Variants in MYO15A observed in about 807,000 individuals in gnomAD.
MYO15A encodes unconventional myosin-XV.
Under a neutral mutation model 394.6 loss-of-function variants are expected in MYO15A, and 308 were observed. The observed-to-expected ratio is 0.78, with a 90% CI of 0.71 to 0.86. The LOEUF is 0.86. MYO15A is among the 40% of genes least tolerant of loss of function. The pLI is 0.00. For synonymous variants in MYO15A, 1,957 were observed against 2,003.8 expected (o/e 0.98, Z 0.62); for missense variants, 4,606 against 4,799.1 (o/e 0.96, Z 1.19).
intron 62 of MYO15A, among the ~76,000 whole-genome samples, chr17:18,170,780 G>A (rs1271556415): frequency 6.6e-6 from 1 of 152,034 alleles, no homozygotes; most frequent in African/African-American, 2.4e-5. Flanking sequence ...TTTTTGCAAG[G>A]GACTCTGCAT....
chr17:18,160,786 T>G, intron 56 of MYO15A: 1 of 242,742 alleles, frequency 4.1e-6, no homozygotes, highest in South Asian at 5.4e-5. Context: ...TGAAGATGAA[T>G]TACTGTGTTC....
chr17:18,124,667 C>A, intron 3 of MYO15A, 102 bp downstream of exon 3: 1 of 1,089,870 alleles, frequency 9.2e-7, no homozygotes, highest in Non-Finnish European at 1.3e-6. Context: ...CCTCCCAGGA[C>A]ATTTTCAGAG....
chr17:18,157,320 C>T, intron 50 of MYO15A, 90 bp downstream of exon 50: 1 of 1,522,254 alleles, frequency 6.6e-7, no homozygotes, highest in African/African-American at 1.4e-5. Context: ...TTTCTTGGTG[C>T]CCGAAAGTGG....
rs772345983 is a variant in MYO15A at position 18,148,488 on chromosome 17, C to T, written c.6692-8C>T. 92 of 1,551,832 alleles carry T rather than the reference C, an allele frequency of 5.9e-5. No homozygotes were observed. Among genetic ancestry groups the T allele is most frequent in the Middle Eastern group, 5.0e-4 (3 of 5,984 alleles). Reference sequence around the variant, plus strand: ...TCCAACCTGAGCCCGGCACCTGCTGCGCCCCAGGTGACCAGTTCTCCTGCC... The same window carrying T: ...TCCAACCTGAGCCCGGCACCTGCTGTGCCCCAGGTGACCAGTTCTCCTGCC... On this transcript the variant is annotated splice_polypyrimidine_tract_variant and splice_region_variant and intron_variant, in intron 31 of 65. Coordinates refer to ENST00000647165, the MANE Select transcript of MYO15A (RefSeq NM_016239.4). The surrounding 1 kb of genome is among the most constrained non-coding windows in gnomAD (Gnocchi z 4.8).
intron 16 of MYO15A, 162 bp from the exon 17 acceptor site, chr17:18,137,953 A>C (rs911753318): frequency 1.9e-6 from 2 of 1,031,942 alleles, no homozygotes; most frequent in Non-Finnish European, 1.4e-6. Context: ...CAGGACCCTG[A>C]GTTGGCTCAT....
Position 18,136,587 on chromosome 17 carries a change from T to C in MYO15A, c.4680T>C (p.Tyr1560=), listed in dbSNP as rs2046278805. 1 of 1,614,058 alleles carries C rather than the reference T, an allele frequency of 6.2e-7. No individual in the cohort carries two copies. Among genetic ancestry groups the C allele is most frequent in the South Asian group, 1.1e-5 (1 of 91,086 alleles). Residue 1560 remains tyrosine (Y), a synonymous_variant, in exon 15 of 66, where the codon TAT becomes TAC. Transcript: ENST00000647165. ...GGGACGCCATCGCCAAGGTCTTGTA[T>C]GCACTGCTGTTCAGCTGGCTCATCA... The part of the protein sequence containing the change: ...DARDAIAKVL[Y]ALLFSWLITR...
Position 18,150,462 on chromosome 17 carries a change from A to C in MYO15A, c.7246A>C (p.Met2416Leu). Reference sequence around the variant, plus strand: ...GAAGCCAACAGCCATTGCCTACCGCATGAAAGGGGGAGGCCAGCCCGGTGG... The same window carrying C: ...GAAGCCAACAGCCATTGCCTACCGCCTGAAAGGGGGAGGCCAGCCCGGTGG... ...LEKPTAIAYRMKGGGQPGGGS... is the reference protein window; with the variant it reads ...LEKPTAIAYRLKGGGQPGGGS... The change falls in exon 36 of 66, where the codon ATG (methionine) becomes CTG (leucine). Residue 2416 changes from methionine (M) to leucine (L), a missense_variant. Physicochemically the swap from Met to Leu is conservative, Grantham distance 15. Coordinates refer to ENST00000647165, the MANE Select transcript of MYO15A (RefSeq NM_016239.4). The surrounding 1 kb of genome is among the most constrained non-coding windows in gnomAD (Gnocchi z 4.4). 1 of 1,614,100 alleles carries C rather than the reference A, an allele frequency of 6.2e-7. No homozygotes were observed.
Position 18,149,595 on chromosome 17 carries a change from G to C in MYO15A, c.7212+15G>C, listed in dbSNP as rs764261706. The C allele has an allele frequency of 6.2e-7, 1 of 1,613,032 alleles. No homozygotes were observed. The highest frequency in any genetic ancestry group is 1.1e-5 in the South Asian group (1 of 91,060). On this transcript the variant is annotated intron_variant, in intron 35 of 65. Transcript: ENST00000647165. ...ACGGGGATGCGGTAGGGATGGTGTG[G>C]GGTGGGTCATTTGCAGACAGCAGGC...
At chr17:18,152,251 G>A in intron 42 of MYO15A, 67 bp downstream of exon 42, 1 of 1,456,298 alleles carries the variant, frequency 6.9e-7, no homozygotes, top group Non-Finnish European at 9.3e-7. Flanking sequence ...GGGCACAGGT[G>A]AGTGTGTCGG....
chr17:18,178,153 T>C (rs991403493), intron 65 of MYO15A: 2 of 160,008 alleles, frequency 1.2e-5, no homozygotes, highest in African/African-American at 4.8e-5. Context: ...GGGCAGATCA[T>C]GAGGTCAAGA....
Position 18,116,603 on chromosome 17 carries a change from AGTT to A in MYO15A, c.-219-1974_-219-1972del, listed in dbSNP as rs1304050969. ...AACTGGCTCCAAGAGGAGCTGGGGC[AGTT>A]GTTGATATCTCCAGGCTCAGAAAGA... On this transcript the variant is annotated intron_variant, in intron 1 of 65. Transcript: ENST00000647165. Among the ~76,000 whole-genome samples, 147 of 152,216 alleles carry A rather than the reference AGTT, an allele frequency of 9.7e-4. 1 individual carries two copies. The highest frequency in any genetic ancestry group is 3.2e-3 in the African/African-American group (135 of 41,544).
chr17:18,179,225 T>C lies in MYO15A; in HGVS notation c.*355T>C. ...AGAAGCCCCACACCAGTTGCCCAGA[T>C]GAACTGGCCTCTGCCTTTGGTTTAC... On this transcript the variant is annotated 3_prime_UTR_variant, in exon 66 of 66. Transcript: ENST00000647165. 1 of 398,836 alleles carries C rather than the reference T, an allele frequency of 2.5e-6. No individual in the cohort carries two copies. Among genetic ancestry groups the C allele is most frequent in the Non-Finnish European group, 4.8e-6 (1 of 210,316 alleles). 24.7% of individuals were successfully genotyped at this position (398,836 alleles called of 1,614,324 possible).
At chr17:18,165,322 G>A (rs1179484054) in intron 60 of MYO15A, among the ~76,000 whole-genome samples, 1 of 152,150 alleles carries the variant, frequency 6.6e-6, no homozygotes, top group Non-Finnish European at 1.5e-5. Flanking sequence ...GTTCTAAAAT[G>A]AAAATGGCAT....
chr17:18,119,110 C>A lies in MYO15A; in HGVS notation c.310C>A (p.Pro104Thr). 1.2e-6 allele frequency: 2 copies of A among 1,611,976 alleles called. No individual in the cohort carries two copies. The highest frequency in any genetic ancestry group is 1.7e-6 in the Non-Finnish European group (2 of 1,179,630). ...GAAGCGGGCGATGAAGGGCAAGAAG[C>A]CGTCCTTCATGGTGATCCGCTTCCC... ...KKKRAMKGKK[P>T]SFMVIRFPGR... The change falls in exon 2 of 66, where the codon CCG becomes ACG. Residue 104 changes from proline (P) to threonine (T), a missense_variant. Physicochemically the swap from Pro to Thr is conservative, Grantham distance 38 (BLOSUM62 -1). Transcript: ENST00000647165.
chr17:18,159,523 G>A (rs1597812196), intron 54 of MYO15A, 83 bp from the exon 55 acceptor site: 19 of 1,530,962 alleles, frequency 1.2e-5, no homozygotes, highest in Non-Finnish European at 1.4e-5. Context: ...GGCTCCCAGG[G>A]AGGGGCTCAG....
rs199734245 is a variant in MYO15A at position 18,142,206 on chromosome 17, G to A, written c.5777G>A (p.Arg1926His). ...ATTAAGCGGCGATTCCGCTCTCTGC[G>A]CCACAAGATCATCCTGCTGCAAAGC... ...FFIKRRFRSL[R>H]HKIILLQSRA... Residue 1926 changes from arginine (R) to histidine (H), a missense_variant, in exon 24 of 66, where the codon CGC becomes CAC. Arg to His is a conservative substitution (Grantham distance 29). Coordinates refer to ENST00000647165, the MANE Select transcript of MYO15A (RefSeq NM_016239.4). The A allele has an allele frequency of 6.8e-5, 109 of 1,613,544 alleles. No homozygotes were observed. Among genetic ancestry groups the A allele is most frequent in the African/African-American group, 2.1e-4 (16 of 75,036 alleles).
At position 18,166,518 on chromosome 17, in the gene MYO15A, C is replaced by T. The variant is rs2046857582; in HGVS notation, c.9945C>T (p.Asn3315=). ...AGCTATATGTGACCATGCACTACAA[C>T]CAGGTCAGCACACGTAGGCTTCTCT... ...ENELYVTMHY[N]QVLPDYLKGL... The change falls in exon 61 of 66, where the codon AAC becomes AAT. Residue 3315 remains asparagine (N), a synonymous_variant. Coordinates refer to ENST00000647165, the MANE Select transcript of MYO15A (RefSeq NM_016239.4). 6.2e-7 allele frequency: 1 copy of T among 1,612,982 alleles called. No individual in the cohort carries two copies. The highest frequency in any genetic ancestry group is 8.5e-7 in the Non-Finnish European group (1 of 1,180,020).
At position 18,119,580 on chromosome 17, in the gene MYO15A, C is replaced by T; in HGVS notation, c.780C>T (p.Tyr260=). 1 of 1,605,430 alleles carries T rather than the reference C, an allele frequency of 6.2e-7. No individual in the cohort carries two copies. The highest frequency in any genetic ancestry group is 8.5e-7 in the Non-Finnish European group (1 of 1,179,936). Residue 260 remains tyrosine, a synonymous_variant, in exon 2 of 66, where the codon TAC becomes TAT. Coordinates refer to ENST00000647165, the MANE Select transcript of MYO15A (RefSeq NM_016239.4). The stretch of plus-strand genomic sequence containing the variant: ...ACCGCTACGAGGAGCAGGAACCCTA[C>T]CTGGCGGGCCTCGGCCCCTACAGCC... ...SLHRYEEQEP[Y]LAGLGPYSPA...
chr17:18,142,657 C>A, intron 24 of MYO15A, 99 bp from the exon 25 acceptor site: 3 of 994,490 alleles, frequency 3.0e-6, no homozygotes, highest in Non-Finnish European at 3.1e-6. Context: ...GAGATGTGGG[C>A]ACTGGCTCCC....
Sources: allele counts gnomAD v4.1 joint callset (sites outside exome capture counted in the v4.1 genomes callset), GRCh38; gene constraint gnomAD v4.1.1; non-coding constraint Gnocchi (gnomAD v3.1); transcripts MANE v1.5; gene names NCBI Gene and HGNC (gene_info 2026-07-23, HGNC 2026-07-21).